Variants in SGCD observed in about 807,000 individuals in gnomAD.
SGCD encodes the protein sarcoglycan delta, also known as delta-sarcoglycan.
SGCD carries 18 observed loss-of-function variants against 36.6 expected under a neutral mutation model. That is an observed-to-expected ratio of 0.49 (90% confidence interval 0.34 to 0.73). The LOEUF (loss-of-function observed/expected upper bound fraction) is 0.73, where lower values mean the gene tolerates loss of function less well. Among genes scored for constraint, SGCD ranks in the 30% least tolerant of loss-of-function variants. SGCD has a pLI of 0.01. For missense variants in SGCD, 387 were observed against 346.7 expected (o/e 1.12, Z -0.92); for synonymous variants, 133 against 130.6 (o/e 1.02, Z -0.12).
rs573029601 is a variant in SGCD, at chr5:155,938,113, T to C, written c.-282+67689T>C. ...ATACAGACACTCAAAAAGCTGTTGT[T>C]TGTTGCCTTGTTGGCCCAGGGGGTG... is the stretch of plus-strand genomic sequence containing the variant. On this transcript the variant is annotated intron_variant, in intron 1 of 9. Coordinates refer to the SGCD transcript ENST00000517913. Among the ~76,000 whole-genome samples the C allele has an allele frequency of 3.8e-4, 58 of 152,320 alleles. No individual in the cohort carries two copies. The South Asian group carries it at 5.2e-3, about 14-fold the overall frequency.
chr5:156,673,131 AG>A (rs1753369875), intron 7 of SGCD, among the ~76,000 whole-genome samples: 1 of 152,148 alleles, frequency 6.6e-6, no homozygotes, highest in Non-Finnish European at 1.5e-5. Flanking sequence ...TCCCCTCAAA[AG>A]TGTGTGTTCA....
chr5:156,242,555 A>G (rs932961668), intron 3 of SGCD, among the ~76,000 whole-genome samples: 4 of 152,244 alleles, frequency 2.6e-5, no homozygotes, highest in African/African-American at 9.6e-5. Flanking sequence ...GTGATTTTAC[A>G]TTACAGTTTT....
At chr5:156,221,753 A>G (rs930541157) in intron 3 of SGCD, among the ~76,000 whole-genome samples, 1 of 152,012 alleles carries the variant, frequency 6.6e-6, no homozygotes, top group Non-Finnish European at 1.5e-5. Flanking sequence ...GCTTTTTTGA[A>G]AGTTTTAAAG....
intron 3 of SGCD, among the ~76,000 whole-genome samples, chr5:156,377,214 T>C (rs1770719377): frequency 6.6e-6 from 1 of 152,198 alleles, no homozygotes; most frequent in Admixed American, 6.5e-5. Flanking sequence ...ATCTTAATAT[T>C]GCCAGCATTA....
At chr5:156,461,089 C>T (rs185001197) in intron 3 of SGCD, among the ~76,000 whole-genome samples, 1 of 152,110 alleles carries the variant, frequency 6.6e-6, no homozygotes, top group Non-Finnish European at 1.5e-5. Flanking sequence ...TTTTGCTAGG[C>T]TTTTCTTAAA....
At chr5:156,478,964 T>G (rs1224973481) in intron 3 of SGCD, among the ~76,000 whole-genome samples, 1 of 152,216 alleles carries the variant, frequency 6.6e-6, no homozygotes. Flanking sequence ...GTCTTTCACC[T>G]GAGAGCCAAA....
intron 1 of SGCD, among the ~76,000 whole-genome samples, chr5:156,017,682 CTAGTT>C (rs1267658849): frequency 6.6e-6 from 1 of 152,002 alleles, no homozygotes; most frequent in Non-Finnish European, 1.5e-5. Context: ...GAAATAGTCT[CTAGTT>C]CAGTAACATT....
chr5:156,368,144 C>T (rs1200616872), intron 3 of SGCD, among the ~76,000 whole-genome samples: 6 of 151,502 alleles, frequency 4.0e-5, no homozygotes, highest in South Asian at 4.2e-4. Context: ...CAGGCTGTAG[C>T]GCAGTGGCAC....
chr5:156,073,760 T>C (rs909740399), intron 1 of SGCD, among the ~76,000 whole-genome samples: 2 of 152,186 alleles, frequency 1.3e-5, no homozygotes, highest in Admixed American at 6.5e-5. Flanking sequence ...TACAGAGATA[T>C]AGCCAGGTAA....
At chr5:156,416,884 T>G (rs1434818115) in intron 3 of SGCD, among the ~76,000 whole-genome samples, 1 of 152,236 alleles carries the variant, frequency 6.6e-6, no homozygotes, top group Admixed American at 6.5e-5. Flanking sequence ...TGTAGTCATT[T>G]AAATGAGTGG....
At chr5:156,127,854 C>CAAAAAAAAAAAAAA (rs56822746) in intron 3 of SGCD, among the ~76,000 whole-genome samples, 12 of 18,444 alleles carry the variant, frequency 6.5e-4, no homozygotes, top group Non-Finnish European at 8.8e-4. Context: ...AACATAAATG[C>CAAAAAAAAAAAAAA]AAAAAAAAAA....
At chr5:156,103,554 C>T (rs565486023) in intron 1 of SGCD, among the ~76,000 whole-genome samples, 1 of 152,094 alleles carries the variant, frequency 6.6e-6, no homozygotes, top group Non-Finnish European at 1.5e-5. Context: ...TGGCCTGTGT[C>T]TTCCCACAGA....
intron 3 of SGCD, among the ~76,000 whole-genome samples, chr5:156,273,310 T>C (rs1766227892): frequency 6.6e-6 from 1 of 152,162 alleles, no homozygotes; most frequent in African/African-American, 2.4e-5. Flanking sequence ...TCTTTTTTCA[T>C]ATAAAGAAGA....
intron 6 of SGCD, among the ~76,000 whole-genome samples, chr5:156,627,765 G>A (rs1762488346): frequency 6.6e-6 from 1 of 152,092 alleles, no homozygotes; most frequent in Non-Finnish European, 1.5e-5. Context: ...GCTACAATGT[G>A]TAATTTAAAA....
intron 3 of SGCD, among the ~76,000 whole-genome samples, chr5:156,423,918 C>T (rs1194494938): frequency 5.3e-5 from 8 of 151,908 alleles, no homozygotes; most frequent in Non-Finnish European, 1.0e-4. Context: ...GCCAATACAA[C>T]TATTATCGTC....
At chr5:156,516,344 T>C (rs1056283326) in intron 4 of SGCD, among the ~76,000 whole-genome samples, 1 of 152,220 alleles carries the variant, frequency 6.6e-6, no homozygotes, top group African/African-American at 2.4e-5. Context: ...CAGCCGTCCT[T>C]GCTGTTCTGC....
intron 1 of SGCD, among the ~76,000 whole-genome samples, chr5:156,100,796 A>G (rs910952719): frequency 2.0e-5 from 3 of 152,208 alleles, no homozygotes; most frequent in Non-Finnish European, 2.9e-5. Flanking sequence ...TACCTTTGAT[A>G]TTTCAAAGTG....
At chr5:156,500,589 T>C (rs1358256054) in intron 3 of SGCD, among the ~76,000 whole-genome samples, 1 of 152,222 alleles carries the variant, frequency 6.6e-6, no homozygotes, top group Non-Finnish European at 1.5e-5. Flanking sequence ...ACTTTTTTTC[T>C]GTTAATAGAT....
chr5:156,040,452 G>A (rs943678213), intron 1 of SGCD, among the ~76,000 whole-genome samples: 1 of 152,192 alleles, frequency 6.6e-6, no homozygotes, highest in Non-Finnish European at 1.5e-5. Flanking sequence ...ATCCAGTAGA[G>A]GAACTCAAAA....
Sources: allele counts gnomAD v4.1 joint callset (sites outside exome capture counted in the v4.1 genomes callset), GRCh38; gene constraint gnomAD v4.1.1; transcripts MANE v1.5; gene names NCBI Gene and HGNC (gene_info 2026-07-23, HGNC 2026-07-21).